Variants in COL5A2 observed in about 807,000 individuals in gnomAD.
The protein encoded by COL5A2 is collagen alpha-2(V) chain.
Under a neutral mutation model 208.2 loss-of-function variants are expected in COL5A2, and 23 were observed. The ratio of observed to expected loss-of-function variants is 0.11; its 90% CI spans 0.08 to 0.16. COL5A2 has a LOEUF of 0.16. Ranked by LOEUF, COL5A2 falls within the 10% of genes least tolerant of loss-of-function variation. The probability of loss-of-function intolerance (pLI) is 1.00; values close to 1 mark genes in which losing one functional copy is unlikely to be tolerated. For synonymous variants in COL5A2, 625 were observed against 628.5 expected, an observed-to-expected ratio of 0.99 and a Z score of 0.08; for missense variants, 1,590 against 1,956.4, an observed-to-expected ratio of 0.81 and a Z score of 3.53.
At chr2:189,136,086 G>A (rs1286858610) in intron 1 of COL5A2, among the ~76,000 whole-genome samples, 3 of 152,172 alleles carry the variant, frequency 2.0e-5, no homozygotes, top group African/African-American at 7.2e-5. Flanking sequence ...TACTGAGCTA[G>A]GCCTGACTAA....
At position 189,033,328 on chromosome 2, in the gene COL5A2, A is replaced by G. The variant is rs1685374916; in HGVS notation, c.*742T>C. On this transcript the variant is annotated 3_prime_UTR_variant, in exon 54 of 54. Coordinates refer to ENST00000374866, the MANE Select transcript of COL5A2 (RefSeq NM_000393.5). ...TATCAATATTGATAGATTGATCAAG[A>G]GGAGAAAGATATCTTTAAATTTGAA... is the stretch of plus-strand genomic sequence containing the variant. The G allele has an allele frequency of 6.5e-6, 1 of 152,740 alleles. No homozygotes were observed. The highest frequency in any genetic ancestry group is 1.5e-5 in the Non-Finnish European group (1 of 68,132). 9.5% of individuals were successfully genotyped at this position (152,740 alleles called of 1,614,324 possible). A position where few individuals can be genotyped will look rare whatever the true frequency, so the allele number is the denominator to read the frequency against.
the COL5A2 span, among the ~76,000 whole-genome samples, chr2:189,366,350 T>G: frequency 6.6e-6 from 1 of 152,236 alleles, no homozygotes; most frequent in African/African-American, 2.4e-5. Context: ...AGAGCTATTT[T>G]GCCCCTCAGG....
At chr2:189,422,669 T>C in the COL5A2 span, among the ~76,000 whole-genome samples, 1 of 152,120 alleles carries the variant, frequency 6.6e-6, no homozygotes, top group East Asian at 1.9e-4. Context: ...TGAAATCACA[T>C]TAAGCATTTT....
At chr2:189,239,182 TCTGA>T in the COL5A2 span, among the ~76,000 whole-genome samples, 1 of 151,804 alleles carries the variant, frequency 6.6e-6, no homozygotes, top group African/African-American at 2.4e-5. Context: ...TGACAGAACT[TCTGA>T]TTTTTTAAAG....
chr2:189,179,254 T>A (rs1014202365), intron 1 of COL5A2, among the ~76,000 whole-genome samples: 25 of 152,174 alleles, frequency 1.6e-4, no homozygotes, highest in Non-Finnish European at 1.5e-5. Flanking sequence ...ACTCTCACAC[T>A]CAGCCAAAAG....
the COL5A2 span, among the ~76,000 whole-genome samples, chr2:189,260,798 A>C: frequency 6.6e-6 from 1 of 152,202 alleles, no homozygotes; most frequent in Non-Finnish European, 1.5e-5. Context: ...CAAGTTATAT[A>C]AAAGGAAAAT....
chr2:189,085,226 C>T lies in COL5A2; in HGVS notation c.745-13G>A, dbSNP rs145442880. ...AACCAATCGGACCCTAATAACAGAA[C>T]AAAACAAAAGGAAAAAAAGAATATT... On this transcript the variant is annotated splice_polypyrimidine_tract_variant and intron_variant, in intron 10 of 53. Transcript: ENST00000374866. 531 of 1,605,504 alleles carry T rather than the reference C, an allele frequency of 3.3e-4. 1 individual carries two copies. The African/African-American group carries it at 6.2e-3, about 19-fold the overall frequency.
intron 1 of COL5A2, among the ~76,000 whole-genome samples, chr2:189,139,345 A>G (rs1277212139): frequency 6.6e-6 from 1 of 152,194 alleles, no homozygotes; most frequent in African/African-American, 2.4e-5. Flanking sequence ...ATAGTTGAGA[A>G]TGGCACTTTA....
the COL5A2 span, among the ~76,000 whole-genome samples, chr2:189,434,253 C>G: frequency 6.6e-6 from 1 of 152,122 alleles, no homozygotes; most frequent in East Asian, 1.9e-4. Flanking sequence ...GGAAGCATTC[C>G]CTTTGAAAAC....
intron 6 of COL5A2, among the ~76,000 whole-genome samples, chr2:189,092,830 T>C (rs1686816868): frequency 6.6e-6 from 1 of 152,216 alleles, no homozygotes; most frequent in Non-Finnish European, 1.5e-5. Flanking sequence ...CAGTTAACTA[T>C]GTATACGTCT....
chr2:189,034,042 G>A lies in COL5A2; in HGVS notation c.*28C>T, dbSNP rs763725656. Reference sequence around the variant, plus strand: ...AATGGCGGTGGTCATTGATGGTGGTGCTCATTGTCGATGTGTCTTGGCTTA... The same window carrying A: ...AATGGCGGTGGTCATTGATGGTGGTACTCATTGTCGATGTGTCTTGGCTTA... On this transcript the variant is annotated 3_prime_UTR_variant, in exon 54 of 54. Transcript: ENST00000374866. The A allele has an allele frequency of 3.1e-6, 5 of 1,613,610 alleles. No individual in the cohort carries two copies. The South Asian group carries it at 5.5e-5, about 18-fold the overall frequency.
the COL5A2 span, among the ~76,000 whole-genome samples, chr2:189,358,870 T>C: frequency 1.3e-5 from 2 of 152,198 alleles, no homozygotes; most frequent in African/African-American, 4.8e-5. Flanking sequence ...TTTTTTCAGA[T>C]TGTTTGCTAT....
chr2:189,263,850 A>G, the COL5A2 span, among the ~76,000 whole-genome samples: 1 of 152,128 alleles, frequency 6.6e-6, no homozygotes, highest in Non-Finnish European at 1.5e-5. Flanking sequence ...ACACTCTTTG[A>G]TATTTGCACA....
chr2:189,382,779 G>A, the COL5A2 span, among the ~76,000 whole-genome samples: 20 of 152,136 alleles, frequency 1.3e-4, no homozygotes, highest in African/African-American at 4.3e-4. Context: ...TTTTTTGCAG[G>A]TAGGGGATGG....
intron 26 of COL5A2, 143 bp downstream of exon 26, chr2:189,063,837 A>G: frequency 1.5e-6 from 1 of 661,526 alleles, no homozygotes; most frequent in Non-Finnish European, 2.6e-6. Context: ...AGATCCTAAG[A>G]ATATGCTTCC....
chr2:189,280,653 T>G, the COL5A2 span, among the ~76,000 whole-genome samples: 2 of 152,134 alleles, frequency 1.3e-5, no homozygotes, highest in African/African-American at 4.8e-5. Context: ...AATTCTGTAT[T>G]TTCCAGGACA....
In COL5A2 at chr2:189,051,412, G is replaced by T. The variant is rs1027615025; in HGVS notation, c.2839C>A (p.Pro947Thr). The change falls in exon 42 of 54, where the codon CCT (proline) becomes ACT (threonine). Residue 947 changes from proline (P) to threonine (T), a missense_variant. Physicochemically the swap from Pro to Thr is conservative, Grantham distance 38. Coordinates refer to ENST00000374866, the MANE Select transcript of COL5A2 (RefSeq NM_000393.5). ...KEGPPGLRGDPGSHGRVGDRG... is the reference protein window; with the variant it reads ...KEGPPGLRGDTGSHGRVGDRG... ...TCTCCCACACGCCCATGAGAGCCAG[G>T]GTCCCCACGAAGACCTGGAGGTCCC... is the stretch of plus-strand genomic sequence containing the variant. The T allele has an allele frequency of 2.5e-6, 4 of 1,613,770 alleles. No homozygotes were observed. The highest frequency in any genetic ancestry group is 1.6e-4 in the Middle Eastern group (1 of 6,082).
the COL5A2 span, among the ~76,000 whole-genome samples, chr2:189,256,870 T>C: frequency 6.6e-6 from 1 of 152,172 alleles, no homozygotes; most frequent in African/African-American, 2.4e-5. Flanking sequence ...CCTCATGACC[T>C]GCCTGCCTCG....
chr2:189,137,583 A>G (rs770872525), intron 1 of COL5A2, among the ~76,000 whole-genome samples: 3 of 152,224 alleles, frequency 2.0e-5, no homozygotes, highest in Non-Finnish European at 2.9e-5. Flanking sequence ...TTATCTTATT[A>G]ATTTGTTAGC....
Sources: gnomAD v4.1 joint callset for allele counts (sites outside exome capture counted in the v4.1 genomes callset) on GRCh38, gnomAD v4.1.1 for gene constraint, MANE v1.5 for transcripts, NCBI Gene and HGNC (gene_info 2026-07-23, HGNC 2026-07-21) for gene names.